TBC1D9B: variants seen among roughly 807,000 people sequenced by gnomAD.
The protein encoded by TBC1D9B is TBC1 domain family member 9B.
In TBC1D9B, 87 loss-of-function variants were observed where a neutral mutation model predicts 121.1. That is an observed-to-expected ratio of 0.72 (90% CI 0.60 to 0.86). The LOEUF is 0.86. Ranked by LOEUF, TBC1D9B falls within the 40% of genes least tolerant of loss-of-function variation. TBC1D9B has a pLI of 0.00. For missense variants in TBC1D9B, 1,540 were observed against 1,628.6 expected (o/e 0.95, Z 0.94); for synonymous variants, 668 against 670.1 (o/e 1.00, Z 0.05).
In TBC1D9B at chr5:179,863,909, C is replaced by T. The variant is rs1481316837; in HGVS notation, c.3241G>A (p.Glu1081Lys). Reference protein sequence around the residue: ...APELHQDAARELQPPAAGDPQ... With the variant: ...APELHQDAARKLQPPAAGDPQ... ...TCTCCTGCAGCTGGGGGCTGAAGCT[C>T]CCTGGCTGCGTCCTGATGCAGTTCG... is the stretch of plus-strand genomic sequence containing the variant. Residue 1081 changes from glutamate (E) to lysine (K), a missense_variant, in exon 21 of 21, where the codon GAG (glutamate) becomes AAG (lysine). By Grantham distance (56) the Glu-to-Lys change is moderately conservative (BLOSUM62 1). Transcript: ENST00000355235. This position sits in a 1 kb window ranked among gnomAD's most constrained non-coding sequence, Gnocchi z 4.5. The T allele has an allele frequency of 6.2e-7, 1 of 1,613,530 alleles. No individual in the cohort carries two copies. Among genetic ancestry groups the T allele is most frequent in the Non-Finnish European group, 8.5e-7 (1 of 1,179,866 alleles).
At chr5:179,867,603 G>C in intron 18 of TBC1D9B, 175 bp downstream of exon 18, 1 of 1,492,606 alleles carries the variant, frequency 6.7e-7, no homozygotes, top group African/African-American at 1.4e-5. Flanking sequence ...ACAGGGGGCG[G>C]CCCCAGCCCC....
In TBC1D9B at chr5:179,891,583, G is replaced by T. The variant is rs544600861; in HGVS notation, c.840C>A (p.Asp280Glu). 4 of 1,612,436 alleles carry T rather than the reference G, an allele frequency of 2.5e-6. No homozygotes were observed. The South Asian group carries it at 4.4e-5, about 18-fold the overall frequency. Reference sequence around the variant, plus strand: ...ACTCATTCTTGGCTCGGGCGTCCAGGTCTCTGGGGAAACAAGGTAGGAGGA... The same window carrying T: ...ACTCATTCTTGGCTCGGGCGTCCAGTTCTCTGGGGAAACAAGGTAGGAGGA... ...PHRNISALKRDLDARAKNECY... is the reference protein window; with the variant it reads ...PHRNISALKRELDARAKNECY... The change falls in exon 6 of 21, where the codon GAC (aspartate) becomes GAA (glutamate). Residue 280 changes from aspartate (D) to glutamate (E), a missense_variant. Physicochemically the swap from Asp to Glu is conservative, Grantham distance 45. Transcript: ENST00000355235. The surrounding 1 kb of genome is among the most constrained non-coding windows in gnomAD (Gnocchi z 4.3).
chr5:179,866,099 TGGTCA>T, intron 18 of TBC1D9B: 1 of 569,684 alleles, frequency 1.8e-6, no homozygotes, highest in South Asian at 2.1e-5. Context: ...TTCCCTCACT[TGGTCA>T]GGTTAAAATA....
chr5:179,893,570 G>A (rs925677783), intron 4 of TBC1D9B, 103 bp from the exon 5 acceptor site: 1 of 1,451,954 alleles, frequency 6.9e-7, no homozygotes, highest in South Asian at 1.4e-5. Context: ...TGCTCTCTGG[G>A]GGCAGCACTT....
intron 4 of TBC1D9B, among the ~76,000 whole-genome samples, chr5:179,893,954 G>A (rs1010796419): frequency 6.6e-6 from 1 of 152,130 alleles, no homozygotes; most frequent in Admixed American, 6.5e-5. Flanking sequence ...CTTGGGGATG[G>A]CTAAGACCCT....
intron 10 of TBC1D9B, among the ~76,000 whole-genome samples, chr5:179,876,418 G>A (rs554653837): frequency 6.6e-6 from 1 of 152,336 alleles, no homozygotes; most frequent in South Asian, 2.1e-4. Flanking sequence ...GGTGTTGGGT[G>A]TTGGAGGTGG....
chr5:179,889,385 A>G (rs907885018), intron 6 of TBC1D9B, among the ~76,000 whole-genome samples: 1 of 151,986 alleles, frequency 6.6e-6, no homozygotes, highest in African/African-American at 2.4e-5. Context: ...GCCTGGGCGC[A>G]GGTCTGAGAG....
chr5:179,896,210 C>T (rs553520529), intron 3 of TBC1D9B, among the ~76,000 whole-genome samples: 2 of 152,300 alleles, frequency 1.3e-5, no homozygotes, highest in East Asian at 1.9e-4. Flanking sequence ...TTTGAGTCAC[C>T]TATCCAAGTT....
rs756330779 is a variant in TBC1D9B at position 179,875,402 on chromosome 5, T to C, written c.1901-215A>G. ...TGGGCGAAATAACTATTTCTTCTAC[T>C]ACACTTGAATTTTATTTTGGGGAAA... On this transcript the variant is annotated intron_variant, in intron 11 of 20. Transcript: ENST00000355235. This position sits in a 1 kb window ranked among gnomAD's most constrained non-coding sequence, Gnocchi z 4.5. Among the ~76,000 whole-genome samples the C allele has an allele frequency of 2.0e-5, 3 of 152,210 alleles. No homozygotes were observed. Among genetic ancestry groups the C allele is most frequent in the Non-Finnish European group, 2.9e-5 (2 of 68,040 alleles).
chr5:179,893,441 T>C lies in TBC1D9B; in HGVS notation c.604A>G (p.Ile202Val), dbSNP rs766966276. 11 of 1,611,220 alleles carry C rather than the reference T, an allele frequency of 6.8e-6. No individual in the cohort carries two copies. In the Admixed American group the frequency reaches 8.3e-5, roughly 12 times the overall value. ...EVSLVVQWVD[I>V]TRLEKNATLL... is the part of the protein sequence containing the mutation. Reference sequence around the variant, plus strand: ...GTGGCGTTCTTCTCCAGACGCGTTATGTCCACCCACTGCACCACGAGGCTC... The same window carrying C: ...GTGGCGTTCTTCTCCAGACGCGTTACGTCCACCCACTGCACCACGAGGCTC... The change falls in exon 5 of 21, where the codon ATA (isoleucine) becomes GTA (valine). Residue 202 changes from isoleucine (I) to valine (V), a missense_variant. By Grantham distance (29) the Ile-to-Val change is conservative. Transcript: ENST00000355235.
chr5:179,907,472 C>G lies in TBC1D9B; in HGVS notation c.118+232G>C, dbSNP rs1384108440. ...CCGCCCCAAGCCGACCTGAGGAGAG[C>G]CCGCCGAGGGCGCATTCGCCTCCCG... On this transcript the variant is annotated intron_variant, in intron 1 of 20. Transcript: ENST00000355235. This position sits in a 1 kb window ranked among gnomAD's most constrained non-coding sequence, Gnocchi z 5.3. 2.6e-5 allele frequency among the ~76,000 whole-genome samples: 4 copies of G among 151,416 alleles called. No homozygotes were observed. The highest frequency in any genetic ancestry group is 9.7e-5 in the African/African-American group (4 of 41,376).
chr5:179,887,946 G>C (rs1760738716), intron 7 of TBC1D9B, 157 bp downstream of exon 7: 1 of 863,616 alleles, frequency 1.2e-6, no homozygotes, highest in Admixed American at 2.2e-5. Flanking sequence ...GGCAGTGTGG[G>C]TCTGGGCTAG....
intron 2 of TBC1D9B, among the ~76,000 whole-genome samples, chr5:179,903,553 G>A (rs1761221697): frequency 6.6e-6 from 1 of 152,180 alleles, no homozygotes; most frequent in South Asian, 2.1e-4. Context: ...TTAGGTTCCT[G>A]GAGCCTCTAA....
Position 179,891,762 on chromosome 5 carries a change from T to C in TBC1D9B, c.837-176A>G, listed in dbSNP as rs1008586760. 6.6e-6 allele frequency among the ~76,000 whole-genome samples: 1 copy of C among 152,060 alleles called. No homozygotes were observed. The highest frequency in any genetic ancestry group is 2.4e-5 in the African/African-American group (1 of 41,390). On this transcript the variant is annotated intron_variant, in intron 5 of 20. Coordinates refer to ENST00000355235, the MANE Select transcript of TBC1D9B (RefSeq NM_015043.4). This position sits in a 1 kb window ranked among gnomAD's most constrained non-coding sequence, Gnocchi z 4.3. ...TCAGAGTTCAATAAAAGATGCATGC[T>C]GAGTGAGCAGGCAGAAGGTGAGACA... is the stretch of plus-strand genomic sequence containing the variant.
Position 179,863,307 on chromosome 5 carries a change from T to C in TBC1D9B, c.*141A>G. 2.0e-6 allele frequency: 2 copies of C among 1,000,858 alleles called. No individual in the cohort carries two copies. Among genetic ancestry groups the C allele is most frequent in the South Asian group, 1.7e-5 (1 of 58,778 alleles). 62.0% of individuals were successfully genotyped at this position (1,000,858 alleles called of 1,614,324 possible). A position where few individuals can be genotyped will look rare whatever the true frequency, so the allele number is the denominator to read the frequency against. On this transcript the variant is annotated 3_prime_UTR_variant, in exon 21 of 21. Transcript: ENST00000355235. The surrounding 1 kb of genome is among the most constrained non-coding windows in gnomAD (Gnocchi z 4.5). ...AAGGCAGCTGGGTCTGCACCAGCCTTCTTTCCACTCACAACTCACTGCTCC... is the reference window on the plus strand; with the variant it reads ...AAGGCAGCTGGGTCTGCACCAGCCTCCTTTCCACTCACAACTCACTGCTCC...
intron 18 of TBC1D9B, 169 bp downstream of exon 18, chr5:179,867,609 G>T: frequency 6.7e-7 from 1 of 1,485,092 alleles, no homozygotes; most frequent in Non-Finnish European, 9.2e-7. Context: ...GGCGGCCCCA[G>T]CCCCCGCCAG....
In TBC1D9B at chr5:179,865,532, G is replaced by A; in HGVS notation, c.2915-172C>T. ...GGAAAAAAACCCAGAACAGCCACAGGTTTTCCCTAAATTGCTGCAGTGGTT... is the reference window on the plus strand; with the variant it reads ...GGAAAAAAACCCAGAACAGCCACAGATTTTCCCTAAATTGCTGCAGTGGTT... On this transcript the variant is annotated intron_variant, in intron 19 of 20. Transcript: ENST00000355235. This position sits in a 1 kb window ranked among gnomAD's most constrained non-coding sequence, Gnocchi z 5.1. 6.1e-6 allele frequency: 4 copies of A among 659,570 alleles called. No homozygotes were observed. Among genetic ancestry groups the A allele is most frequent in the East Asian group, 2.7e-5 (1 of 37,014 alleles). 40.9% of individuals were successfully genotyped at this position (659,570 alleles called of 1,614,324 possible). A position where few individuals can be genotyped will look rare whatever the true frequency, so the allele number is the denominator to read the frequency against.
Position 179,863,680 on chromosome 5 carries a change from G to A in TBC1D9B, c.3470C>T (p.Thr1157Met), listed in dbSNP as rs566315520. Residue 1157 changes from threonine to methionine, a missense_variant, in exon 21 of 21, where the codon ACG (threonine) becomes ATG (methionine). Coordinates refer to ENST00000355235, the MANE Select transcript of TBC1D9B (RefSeq NM_015043.4). The surrounding 1 kb of genome is among the most constrained non-coding windows in gnomAD (Gnocchi z 4.5). ...GCAGGCCTCCCCGCCCACCAGCACC[G>A]TGTCGTCTGCAAGGTCTTCACATTG... ...SLQCEDLADD[T>M]VLVGGEACSP... The A allele has an allele frequency of 1.1e-5, 17 of 1,613,692 alleles. No individual in the cohort carries two copies. The highest frequency in any genetic ancestry group is 2.7e-5 in the African/African-American group (2 of 75,056).
At chr5:179,871,740 C>T in intron 14 of TBC1D9B, 1 of 530,762 alleles carries the variant, frequency 1.9e-6, no homozygotes, top group Non-Finnish European at 3.4e-6. Context: ...ACACTCCGGG[C>T]TCCTTTCCAG....
Sources: allele counts gnomAD v4.1 joint callset (sites outside exome capture counted in the v4.1 genomes callset), GRCh38; gene constraint gnomAD v4.1.1; non-coding constraint Gnocchi (gnomAD v3.1); transcripts MANE v1.5; gene names NCBI Gene and HGNC (gene_info 2026-07-23, HGNC 2026-07-21).